OR6N1: variants seen among roughly 807,000 people sequenced by gnomAD.
OR6N1 encodes olfactory receptor 6N1.
For missense variants in OR6N1, 394 were observed against 371.7 expected (o/e 1.06, Z -0.49); for synonymous variants, 170 against 150.7 (o/e 1.13, Z -0.94).
Position 158,765,642 on chromosome 1 carries a change from C to T in OR6N1, c.*102G>A. The T allele has an allele frequency of 1.1e-6, 1 of 951,762 alleles. No homozygotes were observed. 59.0% of individuals were successfully genotyped at this position (951,762 alleles called of 1,614,324 possible). Reference sequence around the variant, plus strand: ...CACTTGCTGCAGCTCCACCACCCCACATAGAAAAGCACTGAATTTTTAGTT... The same window carrying T: ...CACTTGCTGCAGCTCCACCACCCCATATAGAAAAGCACTGAATTTTTAGTT... On this transcript the variant is annotated 3_prime_UTR_variant, in exon 2 of 2. Coordinates refer to ENST00000641846, the MANE Select transcript of OR6N1 (RefSeq NM_001005185.2).
At chr1:158,802,040 TG>T in the OR6N1 span, among the ~76,000 whole-genome samples, 1 of 152,028 alleles carries the variant, frequency 6.6e-6, no homozygotes, top group Non-Finnish European at 1.5e-5. Context: ...TAAAGTTTTT[TG>T]TAAGTGCTCC....
chr1:158,830,371 C>T, the OR6N1 span, among the ~76,000 whole-genome samples: 1 of 152,148 alleles, frequency 6.6e-6, no homozygotes, highest in Non-Finnish European at 1.5e-5. Context: ...CAAACTTTAA[C>T]TCTCTCTATG....
At chr1:158,831,945 C>T in the OR6N1 span, among the ~76,000 whole-genome samples, 203 of 152,024 alleles carry the variant, frequency 1.3e-3, no homozygotes, top group African/African-American at 4.8e-3. Flanking sequence ...AAAAAATAAA[C>T]CAGGATATAA....
chr1:158,773,707 C>G (rs1324920099), upstream of OR6N1, among the ~76,000 whole-genome samples: 1 of 151,630 alleles, frequency 6.6e-6, no homozygotes, highest in Non-Finnish European at 1.5e-5. Flanking sequence ...AAGACTTAAA[C>G]AAACACTAAC....
At chr1:158,813,158 A>T in the OR6N1 span, among the ~76,000 whole-genome samples, 5 of 152,226 alleles carry the variant, frequency 3.3e-5, no homozygotes, top group Admixed American at 6.5e-5. Flanking sequence ...CTTTTTATGC[A>T]TTGCTTATAG....
At chr1:158,786,521 T>C in the OR6N1 span, among the ~76,000 whole-genome samples, 1 of 152,126 alleles carries the variant, frequency 6.6e-6, no homozygotes, top group African/African-American at 2.4e-5. Context: ...AAAGCAGTCA[T>C]TATTTGAAAA....
chr1:158,835,100 C>T, the OR6N1 span, among the ~76,000 whole-genome samples: 1 of 152,130 alleles, frequency 6.6e-6, no homozygotes, highest in African/African-American at 2.4e-5. Context: ...TTTAAAGTAC[C>T]TTTAAATTCT....
the OR6N1 span, among the ~76,000 whole-genome samples, chr1:158,820,005 T>C: frequency 6.6e-6 from 1 of 152,226 alleles, no homozygotes; most frequent in Non-Finnish European, 1.5e-5. Context: ...AACAGAGATT[T>C]ACCCACATAT....
the OR6N1 span, among the ~76,000 whole-genome samples, chr1:158,803,987 C>G: frequency 3.3e-5 from 5 of 152,118 alleles, no homozygotes; most frequent in Non-Finnish European, 7.4e-5. Flanking sequence ...TACTGTGACA[C>G]CAGTTTTTAA....
chr1:158,777,969 A>G, the OR6N1 span, among the ~76,000 whole-genome samples: 1 of 152,334 alleles, frequency 6.6e-6, no homozygotes, highest in East Asian at 1.9e-4. Flanking sequence ...TGTATTTCCT[A>G]TAGATACTAT....
the OR6N1 span, among the ~76,000 whole-genome samples, chr1:158,827,630 G>A: frequency 7.7e-3 from 1,171 of 152,278 alleles, 17 homozygotes; most frequent in African/African-American, 0.027. Flanking sequence ...AGGTGAGTTA[G>A]AACAGTAATG....
chr1:158,774,014 G>A (rs555158398), upstream of OR6N1, among the ~76,000 whole-genome samples: 17 of 152,268 alleles, frequency 1.1e-4, no homozygotes, highest in Admixed American at 1.3e-4. Context: ...CAAGCTATTG[G>A]TTCCACAGAA....
the OR6N1 span, among the ~76,000 whole-genome samples, chr1:158,818,364 G>A: frequency 6.6e-6 from 1 of 152,164 alleles, no homozygotes; most frequent in Non-Finnish European, 1.5e-5. Flanking sequence ...AACTTGCTGA[G>A]GGTTGGTCTG....
chr1:158,826,661 C>T, the OR6N1 span, among the ~76,000 whole-genome samples: 1 of 151,924 alleles, frequency 6.6e-6, no homozygotes, highest in Admixed American at 6.6e-5. Flanking sequence ...CCAAAGGTGA[C>T]CTGTGATAGG....
At chr1:158,798,430 G>A in the OR6N1 span, among the ~76,000 whole-genome samples, 1 of 151,490 alleles carries the variant, frequency 6.6e-6, no homozygotes, top group African/African-American at 2.4e-5. Flanking sequence ...TTTTGTTATT[G>A]TTCAGATATA....
the OR6N1 span, among the ~76,000 whole-genome samples, chr1:158,783,950 C>A: frequency 6.6e-6 from 1 of 151,952 alleles, no homozygotes; most frequent in Non-Finnish European, 1.5e-5. Context: ...ACTAAAAATA[C>A]AAAAAATTAG....
the OR6N1 span, among the ~76,000 whole-genome samples, chr1:158,792,382 G>T: frequency 6.6e-6 from 1 of 152,084 alleles, no homozygotes; most frequent in African/African-American, 2.4e-5. Flanking sequence ...GGAGCAATTA[G>T]ATCATTTACA....
the OR6N1 span, among the ~76,000 whole-genome samples, chr1:158,790,648 C>T: frequency 2.4e-4 from 36 of 152,316 alleles, 1 homozygote; most frequent in African/African-American, 7.5e-4. Context: ...TCGTGATCCA[C>T]CTGCCTGGGC....
the OR6N1 span, among the ~76,000 whole-genome samples, chr1:158,817,828 C>G: frequency 9.8e-5 from 15 of 152,324 alleles, no homozygotes; most frequent in African/African-American, 3.6e-4. Flanking sequence ...AACTTAAAAA[C>G]TCCTTCTAAT....
Sources: gnomAD v4.1 joint callset for allele counts (sites outside exome capture counted in the v4.1 genomes callset) on GRCh38, gnomAD v4.1.1 for gene constraint, MANE v1.5 for transcripts, NCBI Gene and HGNC (gene_info 2026-07-23, HGNC 2026-07-21) for gene names.